ARV1: variants seen among roughly 807,000 people sequenced by gnomAD.
ARV1 encodes protein ARV1.
In ARV1, 26 loss-of-function variants were observed where a neutral mutation model predicts 31.1. The observed-to-expected ratio is 0.84, with a 90% CI of 0.61 to 1.16. The LOEUF (loss-of-function observed/expected upper bound fraction) is 1.16. Ranked by LOEUF, ARV1 falls within the 50% of genes most tolerant of loss-of-function variation. The probability of loss-of-function intolerance (pLI) is 0.00; values close to 1 mark genes in which losing one functional copy is unlikely to be tolerated. For synonymous variants in ARV1, 117 were observed against 123.2 expected, an observed-to-expected ratio of 0.95 and a Z score of 0.34; for missense variants, 281 against 324.9, an observed-to-expected ratio of 0.86 and a Z score of 1.04.
At chr1:230,988,223 C>G in intron 1 of ARV1, 97 bp from the exon 2 acceptor site, 1 of 1,043,896 alleles carries the variant, frequency 9.6e-7, no homozygotes, top group Non-Finnish European at 1.4e-6. Flanking sequence ...GGCCATATTG[C>G]TATCTGTGTC....
At chr1:230,990,520 G>A (rs945840470) in intron 3 of ARV1, 6 of 367,686 alleles carry the variant, frequency 1.6e-5, no homozygotes, top group African/African-American at 8.6e-5. Flanking sequence ...AAAATATTTC[G>A]AAGCACAATA....
chr1:230,996,536 TC>T (rs1679374907), intron 4 of ARV1, among the ~76,000 whole-genome samples: 1 of 152,152 alleles, frequency 6.6e-6, no homozygotes. Context: ...AGCCTCTACT[TC>T]CTGAGGTCAA....
At chr1:230,979,415 C>A in intron 1 of ARV1, 136 bp downstream of exon 1, 1 of 1,017,828 alleles carries the variant, frequency 9.8e-7, no homozygotes, top group Non-Finnish European at 1.4e-6. Flanking sequence ...GCATGAATAT[C>A]TGTACTGATA....
intron 1 of ARV1, among the ~76,000 whole-genome samples, chr1:230,984,264 A>AAGAAG (rs1678987655): frequency 1.3e-5 from 2 of 152,126 alleles, no homozygotes; most frequent in Admixed American, 1.3e-4. Flanking sequence ...AAGGAAAGAA[A>AAGAAG]AGAAAAGAAA....
At chr1:230,997,832 C>T (rs1679412624) in intron 5 of ARV1, among the ~76,000 whole-genome samples, 1 of 152,136 alleles carries the variant, frequency 6.6e-6, no homozygotes. Context: ...TCCTAGAGAG[C>T]CTCGCAGTGT....
At chr1:230,985,486 G>T (rs879943558) in intron 1 of ARV1, among the ~76,000 whole-genome samples, 1 of 152,148 alleles carries the variant, frequency 6.6e-6, no homozygotes, top group Non-Finnish European at 1.5e-5. Flanking sequence ...AAAAGAGAAC[G>T]ATTGTTATAC....
rs751550789 is a variant in ARV1 at position 230,988,343 on chromosome 1, C to T, written c.198C>T (p.Asp66=). 3 of 1,594,708 alleles carry T rather than the reference C, an allele frequency of 1.9e-6. No individual in the cohort carries two copies. The highest frequency in any genetic ancestry group is 2.6e-6 in the Non-Finnish European group (3 of 1,165,352). The change falls in exon 2 of 6, where the codon GAC becomes GAT. Residue 66 remains aspartate (D), a synonymous_variant. Transcript: ENST00000310256. ...AGAAATCCTGCCAGAAACCTGTAGACAAATATATCGAGTATGATCCTGTTA... is the reference window on the plus strand; with the variant it reads ...AGAAATCCTGCCAGAAACCTGTAGATAAATATATCGAGTATGATCCTGTTA... ...TICKSCQKPV[D]KYIEYDPVII...
chr1:230,996,194 A>G lies in ARV1; in HGVS notation c.673+210A>G, dbSNP rs1343950511. Among the ~76,000 whole-genome samples, 5 of 152,182 alleles carry G rather than the reference A, an allele frequency of 3.3e-5. No individual in the cohort carries two copies. In the East Asian group the frequency reaches 9.6e-4, roughly 29 times the overall value. On this transcript the variant is annotated intron_variant, in intron 4 of 5. Transcript: ENST00000310256. ...CATATAGTACTTTATAGTTTTCAAA[A>G]TGCTCTCATATGCATCATCTCTGTC...
At position 230,988,348 on chromosome 1, in the gene ARV1, A is replaced by T; in HGVS notation, c.203A>T (p.Tyr68Phe). 1 of 1,595,180 alleles carries T rather than the reference A, an allele frequency of 6.3e-7. No homozygotes were observed. Among genetic ancestry groups the T allele is most frequent in the Non-Finnish European group, 8.6e-7 (1 of 1,165,224 alleles). ...CKSCQKPVDK[Y>F]IEYDPVIILI... ...TCCTGCCAGAAACCTGTAGACAAAT[A>T]TATCGAGTATGATCCTGTTATCATC... The change falls in exon 2 of 6, where the codon TAT becomes TTT. Residue 68 changes from tyrosine to phenylalanine, a missense_variant. Physicochemically the swap from Tyr to Phe is conservative, Grantham distance 22. Coordinates refer to ENST00000310256, the MANE Select transcript of ARV1 (RefSeq NM_022786.3).
In ARV1 at chr1:230,988,291, TG is replaced by T. The variant is rs747293886; in HGVS notation, c.175-28del. 8.3e-6 allele frequency: 13 copies of T among 1,568,568 alleles called. No homozygotes were observed. The African/African-American group carries it at 1.8e-4, about 21-fold the overall frequency. On this transcript the variant is annotated intron_variant, in intron 1 of 5. Coordinates refer to ENST00000310256, the MANE Select transcript of ARV1 (RefSeq NM_022786.3). ...GGATTTCAGAAAGTATACATTTGCTTGTTCTAATATTATCTTGTATTATTTC... is the reference window on the plus strand; with the variant it reads ...GGATTTCAGAAAGTATACATTTGCTTTTCTAATATTATCTTGTATTATTTC...
intron 1 of ARV1, among the ~76,000 whole-genome samples, chr1:230,984,354 G>GTGTGTA (rs1678993311): frequency 4.5e-5 from 3 of 66,438 alleles, no homozygotes; most frequent in African/African-American, 1.9e-4. Flanking sequence ...GTGTGTGTGT[G>GTGTGTA]TGTGTGTGCG....
At chr1:230,991,506 G>A (rs560070272) in intron 3 of ARV1, among the ~76,000 whole-genome samples, 1 of 152,082 alleles carries the variant, frequency 6.6e-6, no homozygotes, top group South Asian at 2.1e-4. Context: ...CTTCTCAGTT[G>A]TAACTCCATT....
intron 1 of ARV1, among the ~76,000 whole-genome samples, chr1:230,986,703 T>C (rs1572337478): frequency 2.3e-5 from 2 of 86,266 alleles, no homozygotes; most frequent in South Asian, 7.8e-4. Flanking sequence ...TTTTTTTTTT[T>C]TTTGAGAGAG....
At chr1:230,994,687 G>A (rs1312987049) in intron 3 of ARV1, among the ~76,000 whole-genome samples, 6 of 151,962 alleles carry the variant, frequency 3.9e-5, no homozygotes, top group East Asian at 1.9e-4. Flanking sequence ...GACTACAGGC[G>A]CCTGCCACCA....
chr1:230,980,763 C>CAAA (rs35414845), intron 1 of ARV1, among the ~76,000 whole-genome samples: 8 of 138,536 alleles, frequency 5.8e-5, no homozygotes, highest in African/African-American at 1.6e-4. Context: ...CTTCTTCCAT[C>CAAA]AAAAAAAAAA....
intron 1 of ARV1, among the ~76,000 whole-genome samples, chr1:230,985,457 G>A (rs1038263558): frequency 3.9e-5 from 6 of 152,084 alleles, no homozygotes; most frequent in African/African-American, 1.4e-4. Context: ...GGAAGTTCCT[G>A]GTCCATAAAA....
In ARV1 at chr1:230,995,768, G is replaced by T; in HGVS notation, c.457G>T (p.Ala153Ser). The T allele has an allele frequency of 6.2e-7, 1 of 1,612,336 alleles. No individual in the cohort carries two copies. The highest frequency in any genetic ancestry group is 8.5e-7 in the Non-Finnish European group (1 of 1,179,008). The stretch of plus-strand genomic sequence containing the variant: ...TTCCATTTCTTCTTTAGAACAAACT[G>T]CCTATTTTATTGGCATTTTTACCTT... The part of the protein sequence containing the change: ...MFAIAALEQT[A>S]YFIGIFTFLW... Residue 153 changes from alanine to serine, a missense_variant, in exon 4 of 6, where the codon GCC becomes TCC. Transcript: ENST00000310256.
At chr1:230,982,487 A>T (rs929763030) in intron 1 of ARV1, among the ~76,000 whole-genome samples, 1 of 152,228 alleles carries the variant, frequency 6.6e-6, no homozygotes, top group African/African-American at 2.4e-5. Flanking sequence ...CAAAATAATT[A>T]TTGGATAGCT....
intron 1 of ARV1, among the ~76,000 whole-genome samples, chr1:230,983,104 A>G (rs963869816): frequency 1.3e-5 from 2 of 152,132 alleles, no homozygotes; most frequent in African/African-American, 2.4e-5. Context: ...ACAATTTATT[A>G]TAAGTACGCT....
Sources: gnomAD v4.1 joint callset for allele counts (sites outside exome capture counted in the v4.1 genomes callset) on GRCh38, gnomAD v4.1.1 for gene constraint, MANE v1.5 for transcripts, NCBI Gene and HGNC (gene_info 2026-07-23, HGNC 2026-07-21) for gene names.